SOX5: variants seen among roughly 807,000 people sequenced by gnomAD.
SOX5 encodes transcription factor SOX-5.
In SOX5, 9 loss-of-function variants were observed where a neutral mutation model predicts 92.0. The ratio of observed to expected loss-of-function variants is 0.10; its 90% CI spans 0.06 to 0.17. The LOEUF is 0.17. Ranked by LOEUF, SOX5 falls within the 10% of genes least tolerant of loss-of-function variation. The probability of loss-of-function intolerance (pLI) is 1.00; values close to 1 mark genes in which losing one functional copy is unlikely to be tolerated. For synonymous variants in SOX5, 344 were observed against 336.3 expected, an observed-to-expected ratio of 1.02 and a Z score of -0.25; for missense variants, 642 against 944.5, an observed-to-expected ratio of 0.68 and a Z score of 4.20.
chr12:24,401,565 C>T (rs114478455), intron 1 of SOX5, among the ~76,000 whole-genome samples: 464 of 151,614 alleles, frequency 3.1e-3, no homozygotes, highest in African/African-American at 0.011. Flanking sequence ...AAAAAATTAA[C>T]CTTGCATGGT....
intron 1 of SOX5, among the ~76,000 whole-genome samples, chr12:24,424,563 C>T (rs771675817): frequency 3.3e-5 from 5 of 152,092 alleles, no homozygotes; most frequent in African/African-American, 1.2e-4. Flanking sequence ...CCCCCACCCC[C>T]CAAGTTACTA....
At chr12:24,222,593 G>A (rs1029367596) in intron 3 of SOX5, among the ~76,000 whole-genome samples, 3 of 152,104 alleles carry the variant, frequency 2.0e-5, no homozygotes, top group Non-Finnish European at 2.9e-5. Context: ...ATGTAAAAGC[G>A]ATATATCTAG....
intron 4 of SOX5, among the ~76,000 whole-genome samples, chr12:24,013,850 C>T (rs972918651): frequency 3.9e-5 from 6 of 152,158 alleles, no homozygotes; most frequent in African/African-American, 1.2e-4. Context: ...TTTATACATC[C>T]TATTTCACAT....
chr12:24,447,099 T>C lies in SOX5; in HGVS notation c.-250-78460A>G, dbSNP rs574284903. ...CACAATTCCAAACAATTCTTGTAAA[T>C]ACTCCCCAGTCAAGAAGGTGGAGTT... On this transcript the variant is annotated intron_variant, in intron 1 of 4. Transcript: ENST00000446891. 4.6e-5 allele frequency among the ~76,000 whole-genome samples: 7 copies of C among 152,264 alleles called. No individual in the cohort carries two copies. In the South Asian group the frequency reaches 1.4e-3, roughly 32 times the overall value.
intron 3 of SOX5, among the ~76,000 whole-genome samples, chr12:23,781,210 C>T (rs1055196131): frequency 6.6e-6 from 1 of 151,958 alleles, no homozygotes; most frequent in Non-Finnish European, 1.5e-5. Context: ...CTTTTCTGTA[C>T]TTCCTTTCTT....
At chr12:24,239,523 A>G (rs1216301357) in intron 3 of SOX5, among the ~76,000 whole-genome samples, 1 of 152,184 alleles carries the variant, frequency 6.6e-6, no homozygotes, top group Non-Finnish European at 1.5e-5. Flanking sequence ...TGGGGAGAGA[A>G]CATTAAAGGC....
intron 1 of SOX5, among the ~76,000 whole-genome samples, chr12:24,497,077 T>C (rs547569045): frequency 6.6e-6 from 1 of 152,346 alleles, no homozygotes; most frequent in African/African-American, 2.4e-5. Context: ...AAGGTATATT[T>C]ACAAATGTAT....
chr12:24,327,125 A>C (rs1309631210), intron 2 of SOX5, among the ~76,000 whole-genome samples: 2 of 152,216 alleles, frequency 1.3e-5, no homozygotes, highest in African/African-American at 4.8e-5. Flanking sequence ...TAGAAATTTA[A>C]AAATTACGTG....
intron 6 of SOX5, among the ~76,000 whole-genome samples, chr12:23,707,979 C>T (rs1380016361): frequency 3.3e-5 from 5 of 152,028 alleles, no homozygotes; most frequent in Admixed American, 3.3e-4. Flanking sequence ...AATTAACACA[C>T]TTCTCGTAAG....
intron 3 of SOX5, among the ~76,000 whole-genome samples, chr12:24,229,657 C>T (rs1962936826): frequency 6.6e-6 from 1 of 152,172 alleles, no homozygotes. Flanking sequence ...AAAGCAGCAA[C>T]ACAAGAACAA....
rs1424374426 is a variant in SOX5 at position 24,393,433 on chromosome 12, G to A, written c.-250-24794C>T. On this transcript the variant is annotated intron_variant, in intron 1 of 4. Transcript: ENST00000446891. This position sits in a 1 kb window ranked among gnomAD's most constrained non-coding sequence, Gnocchi z 5.0. ...TGACAATCCAGTATGACAGAAAAGG[G>A]TTTTGCAAGGGCTTGGAGGATAATC... 6.6e-6 allele frequency among the ~76,000 whole-genome samples: 1 copy of A among 152,182 alleles called. No individual in the cohort carries two copies. The highest frequency in any genetic ancestry group is 1.9e-4 in the East Asian group (1 of 5,196).
chr12:23,672,040 A>T (rs1593152035), intron 6 of SOX5, among the ~76,000 whole-genome samples: 1 of 152,216 alleles, frequency 6.6e-6, no homozygotes, highest in South Asian at 2.1e-4. Flanking sequence ...AGATGGTTCT[A>T]CTAAGAGCTT....
In SOX5 at chr12:23,896,011, G is replaced by C. The variant is rs780962501; in HGVS notation, c.52C>G (p.Arg18Gly). The C allele has an allele frequency of 1.9e-6, 3 of 1,612,136 alleles. No homozygotes were observed. The highest frequency in any genetic ancestry group is 1.7e-6 in the Non-Finnish European group (2 of 1,178,420). ...PQEFERMSSK[R>G]PASPYGEADG... ...GCTTCCCCATACGGAGAGGCTGGTC[G>C]CTTGGAAGACATCCTGGAAGGAACA... The change falls in exon 2 of 15, where the codon CGA becomes GGA. Residue 18 changes from arginine (R) to glycine (G), a missense_variant. Transcript: ENST00000451604.
chr12:23,577,925 T>C (rs1479566064), intron 9 of SOX5, among the ~76,000 whole-genome samples: 1 of 151,344 alleles, frequency 6.6e-6, no homozygotes, highest in Non-Finnish European at 1.5e-5. Context: ...ATTGAGACTA[T>C]CCTGGCCAAC....
At chr12:23,624,985 G>T (rs182538602) in intron 8 of SOX5, among the ~76,000 whole-genome samples, 1 of 152,158 alleles carries the variant, frequency 6.6e-6, no homozygotes, top group Non-Finnish European at 1.5e-5. Flanking sequence ...AGCTAACTTA[G>T]ATTGATCCCT....
At chr12:24,059,289 A>C (rs1354456743) in intron 4 of SOX5, among the ~76,000 whole-genome samples, 2 of 152,002 alleles carry the variant, frequency 1.3e-5, no homozygotes, top group Non-Finnish European at 2.9e-5. Context: ...TCGCACCAAA[A>C]TCTTTATCTG....
intron 4 of SOX5, among the ~76,000 whole-genome samples, chr12:24,001,169 C>T (rs1480275578): frequency 2.6e-5 from 4 of 152,028 alleles, no homozygotes; most frequent in Non-Finnish European, 5.9e-5. Context: ...TGGCTCACTA[C>T]AGCCTCAACC....
intron 1 of SOX5, among the ~76,000 whole-genome samples, chr12:24,429,234 G>A (rs1034088540): frequency 5.3e-5 from 8 of 151,966 alleles, no homozygotes; most frequent in African/African-American, 1.4e-4. Flanking sequence ...GGAGAATGGC[G>A]TGAACCTGGG....
At chr12:23,868,409 T>G (rs1015873468) in intron 2 of SOX5, among the ~76,000 whole-genome samples, 1 of 152,134 alleles carries the variant, frequency 6.6e-6, no homozygotes, top group South Asian at 2.1e-4. Flanking sequence ...AAGAGCAAAT[T>G]CATTTTCATA....
Sources: allele counts gnomAD v4.1 joint callset (sites outside exome capture counted in the v4.1 genomes callset), GRCh38; gene constraint gnomAD v4.1.1; non-coding constraint Gnocchi (gnomAD v3.1); transcripts MANE v1.5; gene names NCBI Gene and HGNC (gene_info 2026-07-23, HGNC 2026-07-21).